Variants in HS3ST3B1 observed in about 807,000 individuals in gnomAD.
The protein encoded by HS3ST3B1 is heparan sulfate glucosamine 3-O-sulfotransferase 3B1.
HS3ST3B1 carries 13 observed loss-of-function variants against 21.3 expected under a neutral mutation model. The observed-to-expected ratio is 0.61, with a 90% CI of 0.40 to 0.97. The LOEUF is 0.97. Among genes scored for constraint, HS3ST3B1 ranks in the 50% least tolerant of loss-of-function variants. The pLI is 0.00. For missense variants in HS3ST3B1, 459 were observed against 554.8 expected (o/e 0.83, Z 1.73); for synonymous variants, 234 against 254.8 (o/e 0.92, Z 0.78).
chr17:14,346,743 TC>T lies in HS3ST3B1; in HGVS notation c.*1099del, dbSNP rs1390236117. 1.3e-5 allele frequency: 2 copies of T among 152,206 alleles called. No homozygotes were observed. The highest frequency in any genetic ancestry group is 6.5e-5 in the Admixed American group (1 of 15,274). The allele number at this position is 152,206 out of a possible 1,614,324, so 9.4% of individuals were successfully genotyped here. On this transcript the variant is annotated 3_prime_UTR_variant, in exon 2 of 2. Coordinates refer to ENST00000360954, the MANE Select transcript of HS3ST3B1 (RefSeq NM_006041.3). Reference sequence around the variant, plus strand: ...TGCTGCTTCAGAAATCAAGATGATCTCCTTTAATTTGCATGAAACTACACCA... The same window carrying T: ...TGCTGCTTCAGAAATCAAGATGATCTCTTTAATTTGCATGAAACTACACCA...
intron 1 of HS3ST3B1, among the ~76,000 whole-genome samples, chr17:14,320,480 T>C (rs1909627382): frequency 6.6e-6 from 1 of 152,094 alleles, no homozygotes; most frequent in African/African-American, 2.4e-5. Context: ...GAGTCGAGGA[T>C]GTTTGTAAGT....
intron 1 of HS3ST3B1, among the ~76,000 whole-genome samples, chr17:14,311,805 A>G (rs1226294123): frequency 1.3e-5 from 2 of 152,096 alleles, no homozygotes; most frequent in Admixed American, 1.3e-4. Flanking sequence ...AATCCCAGGT[A>G]TGCATCAACT....
intron 1 of HS3ST3B1, among the ~76,000 whole-genome samples, chr17:14,330,550 G>GGTGTGTATGTGTGTGTGTGTGTGT (rs111261697): frequency 1.4e-5 from 2 of 144,080 alleles, no homozygotes; most frequent in Admixed American, 1.4e-4. Flanking sequence ...CTGGTTTCCC[G>GGTGTGTATGTGTGTGTGTGTGTGT]GTGTGTGTGT....
chr17:14,327,733 T>A, intron 1 of HS3ST3B1: 1 of 152,228 alleles, frequency 6.6e-6, no homozygotes, highest in Admixed American at 6.5e-5. Context: ...GCTAGTTGAT[T>A]CATTTTCTTT....
Position 14,335,481 on chromosome 17 carries a change from G to C in HS3ST3B1, c.555-9547G>C, listed in dbSNP as rs371144615. Among the ~76,000 whole-genome samples the C allele has an allele frequency of 1.5e-4, 23 of 152,294 alleles. No individual in the cohort carries two copies. In the East Asian group the frequency reaches 2.7e-3, roughly 18 times the overall value. The stretch of plus-strand genomic sequence containing the variant: ...AGGCCAAGGAGGGTGGATCAGTTGA[G>C]GTCAGGAGTTCGACACCAGCCTGTC... On this transcript the variant is annotated intron_variant, in intron 1 of 1. Transcript: ENST00000360954.
intron 1 of HS3ST3B1, among the ~76,000 whole-genome samples, chr17:14,310,299 A>G (rs1270103250): frequency 1.3e-5 from 2 of 151,968 alleles, no homozygotes; most frequent in Non-Finnish European, 2.9e-5. Context: ...TCCTAACCCT[A>G]AGTCCTGTGC....
chr17:14,315,600 A>T (rs758754651), intron 1 of HS3ST3B1, among the ~76,000 whole-genome samples: 12 of 152,136 alleles, frequency 7.9e-5, no homozygotes, highest in Non-Finnish European at 1.5e-4. Context: ...AGGTGGGTGG[A>T]TCACCTGAGG....
In HS3ST3B1 at chr17:14,347,940, T is replaced by C. The variant is rs77703117; in HGVS notation, c.*2294T>C. 1.3e-5 allele frequency: 2 copies of C among 152,334 alleles called. No homozygotes were observed. Among genetic ancestry groups the C allele is most frequent in the African/African-American group, 2.4e-5 (1 of 41,576 alleles). The allele number at this position is 152,334 out of a possible 1,614,324, so 9.4% of individuals were successfully genotyped here. A position where few individuals can be genotyped will look rare whatever the true frequency, so the allele number is the denominator to read the frequency against. ...AAAAACACCTGCATAAGGGTGCTAA[T>C]TGGTTGTGTATTTTTTCATTTATTT... On this transcript the variant is annotated 3_prime_UTR_variant, in exon 2 of 2. Transcript: ENST00000360954.
At chr17:14,304,431 G>A (rs1909061752) in intron 1 of HS3ST3B1, 3 of 152,254 alleles carry the variant, frequency 2.0e-5, no homozygotes, top group African/African-American at 7.2e-5. Flanking sequence ...TCTTTTAAAT[G>A]CCATCTGTTT....
chr17:14,325,667 T>C (rs1287277253), intron 1 of HS3ST3B1, among the ~76,000 whole-genome samples: 1 of 152,256 alleles, frequency 6.6e-6, no homozygotes. Context: ...TGATCTTTTT[T>C]TGCTTATTCC....
intron 1 of HS3ST3B1, among the ~76,000 whole-genome samples, chr17:14,316,805 G>T (rs916414048): frequency 3.3e-5 from 5 of 152,234 alleles, no homozygotes; most frequent in African/African-American, 1.2e-4. Context: ...TTCAGATTAG[G>T]TGTCACTGGG....
chr17:14,305,915 G>A (rs1352891500), intron 1 of HS3ST3B1, among the ~76,000 whole-genome samples: 1 of 152,160 alleles, frequency 6.6e-6, no homozygotes, highest in African/African-American at 2.4e-5. Context: ...GGCACAGAGA[G>A]GTTAAGCAAT....
chr17:14,312,165 C>T (rs1051689823), intron 1 of HS3ST3B1, among the ~76,000 whole-genome samples: 4 of 152,064 alleles, frequency 2.6e-5, no homozygotes, highest in Admixed American at 6.5e-5. Context: ...GTGGGCCAGG[C>T]GCTTACTTAA....
At chr17:14,320,453 G>C (rs909283208) in intron 1 of HS3ST3B1, among the ~76,000 whole-genome samples, 3 of 152,162 alleles carry the variant, frequency 2.0e-5, no homozygotes, top group Non-Finnish European at 4.4e-5. Context: ...CAGCAGAAGA[G>C]AGTGACCGCA....
intron 1 of HS3ST3B1, among the ~76,000 whole-genome samples, chr17:14,326,835 C>T (rs1485181503): frequency 1.2e-4 from 18 of 149,990 alleles, no homozygotes; most frequent in African/African-American, 3.7e-4. Context: ...GCAGGAGACT[C>T]GCTTGAACCC....
chr17:14,326,921 CAAAAAAAAAAAAA>C (rs60800866), intron 1 of HS3ST3B1, among the ~76,000 whole-genome samples: 9 of 60,472 alleles, frequency 1.5e-4, no homozygotes, highest in East Asian at 1.0e-3. Context: ...AACTCTGTCT[CAAAAAAAAAAAAA>C]AAAAAAAAAA....
chr17:14,327,360 T>A (rs1026896038), intron 1 of HS3ST3B1: 1 of 152,210 alleles, frequency 6.6e-6, no homozygotes, highest in African/African-American at 2.4e-5. Context: ...CAGATGTTGA[T>A]TACTGGCCAC....
intron 1 of HS3ST3B1, chr17:14,328,383 T>C (rs916847854): frequency 6.6e-6 from 1 of 152,206 alleles, no homozygotes; most frequent in Non-Finnish European, 1.5e-5. Flanking sequence ...AGGTTGGGCT[T>C]ACTTTTCTCC....
rs1441869079 is a variant in HS3ST3B1 at position 14,303,649 on chromosome 17, GTGAA to G, written c.554+1580_554+1583del. Among the ~76,000 whole-genome samples, 2 of 152,184 alleles carry G rather than the reference GTGAA, an allele frequency of 1.3e-5. No homozygotes were observed. The highest frequency in any genetic ancestry group is 3.9e-4 in the East Asian group (2 of 5,166). ...CAGGTTCTGGGCAGGGATGGGAAGA[GTGAA>G]TGCGCTGGTACGGTAAGGTGCCTCG... On this transcript the variant is annotated intron_variant, in intron 1 of 1. Transcript: ENST00000360954. The surrounding 1 kb of genome is among the most constrained non-coding windows in gnomAD (Gnocchi z 5.7).
Sources: allele counts gnomAD v4.1 joint callset (sites outside exome capture counted in the v4.1 genomes callset), GRCh38; gene constraint gnomAD v4.1.1; non-coding constraint Gnocchi (gnomAD v3.1); transcripts MANE v1.5; gene names NCBI Gene and HGNC (gene_info 2026-07-23, HGNC 2026-07-21).